Variants in POMK observed in about 807,000 individuals in gnomAD.
POMK encodes Sugen kinase 196.
In POMK, 19 loss-of-function variants were observed where a neutral mutation model predicts 23.0. The ratio of observed to expected loss-of-function variants is 0.83; its 90% CI spans 0.58 to 1.21. The LOEUF (loss-of-function observed/expected upper bound fraction) is 1.21, where lower values mean the gene tolerates loss of function less well. Among genes scored for constraint, POMK ranks in the 50% most tolerant of loss-of-function variants. The pLI, the probability that POMK is intolerant of heterozygous loss-of-function variation, is 0.00. For missense variants in POMK, 410 were observed against 431.3 expected (o/e 0.95, Z 0.44); for synonymous variants, 173 against 171.6 (o/e 1.01, Z -0.06).
chr8:43,104,485 T>A (rs1468291855), intron 4 of POMK, among the ~76,000 whole-genome samples: 1 of 152,188 alleles, frequency 6.6e-6, no homozygotes, highest in East Asian at 1.9e-4. Flanking sequence ...TTAGAATAGT[T>A]CATTAAATGA....
At chr8:43,105,036 CTGATTTTTAACAATTTATTTTTA>C (rs1347140038) in intron 4 of POMK, among the ~76,000 whole-genome samples, 1 of 151,990 alleles carries the variant, frequency 6.6e-6, no homozygotes, top group Non-Finnish European at 1.5e-5. Context: ...TGGTATTATA[CTGATTTTTAACAATTTATTTTTA>C]ATTGGCATGT....
At chr8:43,118,198 T>C (rs909331027) in intron 4 of POMK, among the ~76,000 whole-genome samples, 3 of 152,200 alleles carry the variant, frequency 2.0e-5, no homozygotes, top group Admixed American at 6.5e-5. Flanking sequence ...GTGTAGGTAT[T>C]ATGCCCACAC....
At chr8:43,111,137 G>A (rs1055343933) in intron 4 of POMK, among the ~76,000 whole-genome samples, 4 of 152,148 alleles carry the variant, frequency 2.6e-5, no homozygotes, top group African/African-American at 7.2e-5. Context: ...TGCCCCACCC[G>A]GGAAGCGTAA....
At chr8:43,095,380 G>A (rs1269246497) in intron 1 of POMK, among the ~76,000 whole-genome samples, 1 of 152,120 alleles carries the variant, frequency 6.6e-6, no homozygotes, top group Non-Finnish European at 1.5e-5. Flanking sequence ...GTTTGGTTTG[G>A]TTTGTTTTTG....
chr8:43,116,651 T>G (rs1811805003), intron 4 of POMK, among the ~76,000 whole-genome samples: 1 of 152,196 alleles, frequency 6.6e-6, no homozygotes, highest in African/African-American at 2.4e-5. Context: ...ATGTGGAGAT[T>G]AGGGGCACTG....
At chr8:43,108,373 C>T (rs1554523110) in intron 4 of POMK, among the ~76,000 whole-genome samples, 1 of 152,128 alleles carries the variant, frequency 6.6e-6, no homozygotes, top group Non-Finnish European at 1.5e-5. Context: ...CAAAAGAAAA[C>T]AGATTCTTAT....
intron 4 of POMK, among the ~76,000 whole-genome samples, chr8:43,110,212 A>C (rs1054040081): frequency 6.6e-6 from 1 of 152,160 alleles, no homozygotes; most frequent in African/African-American, 2.4e-5. Context: ...CAGTAGTCTC[A>C]AGTGCATATT....
chr8:43,104,280 G>A (rs370495147), intron 4 of POMK, among the ~76,000 whole-genome samples: 2 of 151,962 alleles, frequency 1.3e-5, no homozygotes, highest in African/African-American at 4.8e-5. Context: ...ATGCCACCAC[G>A]CCTGGCTAAT....
chr8:43,100,941 G>A lies in POMK; in HGVS notation c.-117-1564G>A, dbSNP rs191030831. ...GGCGTTCTAGAGGCTGCTACTGTGG[G>A]TTTAGAGCCATAGAGGCACTGAAGT... On this transcript the variant is annotated intron_variant, in intron 2 of 4. Coordinates refer to ENST00000331373, the MANE Select transcript of POMK (RefSeq NM_032237.5). Among the ~76,000 whole-genome samples, 1,131 of 152,152 alleles carry A rather than the reference G, an allele frequency of 7.4e-3. 12 individuals carry two copies. Among genetic ancestry groups the A allele is most frequent in the Non-Finnish European group, 0.012 (813 of 68,004 alleles).
chr8:43,122,378 A>G lies in POMK; in HGVS notation c.554A>G (p.Tyr185Cys), dbSNP rs1426427201. ...WQHRLELAMD[Y>C]VSIINYLHHS... is the part of the protein sequence containing the mutation. ...CACAGGCTGGAGCTGGCCATGGACT[A>G]TGTCAGCATCATTAATTACCTGCAC... Residue 185 changes from tyrosine to cysteine, a missense_variant, in exon 5 of 5, where the codon TAT becomes TGT. Physicochemically the swap from Tyr to Cys is radical, Grantham distance 194. Transcript: ENST00000331373. 1.2e-6 allele frequency: 2 copies of G among 1,614,222 alleles called. No homozygotes were observed. The highest frequency in any genetic ancestry group is 1.7e-6 in the Non-Finnish European group (2 of 1,180,040).
intron 2 of POMK, among the ~76,000 whole-genome samples, chr8:43,101,701 A>G (rs535250805): frequency 2.0e-5 from 3 of 152,322 alleles, no homozygotes; most frequent in Admixed American, 6.5e-5. Flanking sequence ...ATCCTCCAGG[A>G]AAGCATGGGA....
At chr8:43,108,723 A>C (rs1227415488) in intron 4 of POMK, among the ~76,000 whole-genome samples, 2 of 152,222 alleles carry the variant, frequency 1.3e-5, no homozygotes, top group Non-Finnish European at 2.9e-5. Context: ...GAGTTATCAG[A>C]AACTTGCATT....
intron 4 of POMK, among the ~76,000 whole-genome samples, chr8:43,116,545 G>T (rs1811802636): frequency 6.6e-6 from 1 of 152,192 alleles, no homozygotes; most frequent in Non-Finnish European, 1.5e-5. Flanking sequence ...TAGGATTACA[G>T]GTGTGAGCCA....
At chr8:43,105,658 T>C (rs1406559874) in intron 4 of POMK, among the ~76,000 whole-genome samples, 3 of 152,152 alleles carry the variant, frequency 2.0e-5, no homozygotes, top group Non-Finnish European at 2.9e-5. Flanking sequence ...GATGCACATA[T>C]CTCTTTTTTT....
intron 4 of POMK, among the ~76,000 whole-genome samples, chr8:43,115,443 A>G (rs569990788): frequency 2.0e-5 from 3 of 152,174 alleles, no homozygotes; most frequent in South Asian, 4.2e-4. Flanking sequence ...ATTATTTCCT[A>G]ACTCCATCAG....
At chr8:43,096,459 G>C (rs191802332) in intron 1 of POMK, among the ~76,000 whole-genome samples, 1 of 152,022 alleles carries the variant, frequency 6.6e-6, no homozygotes, top group Non-Finnish European at 1.5e-5. Context: ...TCAGGAGATT[G>C]AGACCATCTG....
At chr8:43,120,175 T>G (rs554062087) in intron 4 of POMK, among the ~76,000 whole-genome samples, 2 of 152,220 alleles carry the variant, frequency 1.3e-5, no homozygotes, top group South Asian at 4.1e-4. Flanking sequence ...GGAACAATAT[T>G]ATACAAATGG....
chr8:43,122,382 C>T lies in POMK; in HGVS notation c.558C>T (p.Val186=). The T allele has an allele frequency of 6.2e-7, 1 of 1,614,218 alleles. No individual in the cohort carries two copies. The highest frequency in any genetic ancestry group is 1.1e-5 in the South Asian group (1 of 91,086). ...QHRLELAMDY[V]SIINYLHHSP... ...GGCTGGAGCTGGCCATGGACTATGT[C>T]AGCATCATTAATTACCTGCACCACA... The change falls in exon 5 of 5, where the codon GTC becomes GTT. Residue 186 remains valine (V), a synonymous_variant. Coordinates refer to ENST00000331373, the MANE Select transcript of POMK (RefSeq NM_032237.5).
chr8:43,114,937 T>G (rs1186879522), intron 4 of POMK, among the ~76,000 whole-genome samples: 1 of 152,202 alleles, frequency 6.6e-6, no homozygotes, highest in Non-Finnish European at 1.5e-5. Context: ...AGTCAAATTT[T>G]TTTTTCTCAT....
Sources: allele counts gnomAD v4.1 joint callset (sites outside exome capture counted in the v4.1 genomes callset), GRCh38; gene constraint gnomAD v4.1.1; transcripts MANE v1.5; gene names NCBI Gene and HGNC (gene_info 2026-07-23, HGNC 2026-07-21).